Variants in AATK observed in about 807,000 individuals in gnomAD.
AATK encodes lemur tail kinase 1, also known as serine/threonine-protein kinase LMTK1.
In AATK, 91 loss-of-function variants were observed where a neutral mutation model predicts 114.3. That is an observed-to-expected ratio of 0.80 (90% CI 0.67 to 0.95). AATK has a LOEUF of 0.95. Ranked by LOEUF, AATK falls within the 40% of genes least tolerant of loss-of-function variation. AATK has a pLI of 0.00. For missense variants in AATK, 2,176 were observed against 1,965.2 expected (o/e 1.11, Z -2.03); for synonymous variants, 1,075 against 916.5 (o/e 1.17, Z -3.12).
chr17:81,147,966 G>A (rs746819797), intron 1 of AATK, among the ~76,000 whole-genome samples: 3 of 150,786 alleles, frequency 2.0e-5, no homozygotes, highest in South Asian at 2.1e-4. Context: ...AATTACACAC[G>A]GTCACCATGC....
At chr17:81,130,375 C>T (rs1178705710) in intron 3 of AATK, among the ~76,000 whole-genome samples, 2 of 152,174 alleles carry the variant, frequency 1.3e-5, no homozygotes, top group African/African-American at 4.8e-5. Flanking sequence ...GAAGCCTGGC[C>T]ATTCACCCCC....
In AATK at chr17:81,117,446, C is replaced by T; in HGVS notation, c.*956G>A. 6.6e-6 allele frequency: 1 copy of T among 152,288 alleles called. No homozygotes were observed. Among genetic ancestry groups the T allele is most frequent in the East Asian group, 1.9e-4 (1 of 5,198 alleles). The allele number at this position is 152,288 out of a possible 1,614,324, so 9.4% of individuals were successfully genotyped here. ...TTTGGCAACAATAACTTAAAATCAC[C>T]CAACTTCCATTCGCTCCAACCACAG... On this transcript the variant is annotated 3_prime_UTR_variant, in exon 14 of 14. Transcript: ENST00000326724.
intron 1 of AATK, among the ~76,000 whole-genome samples, chr17:81,140,889 G>A (rs1205146999): frequency 3.7e-5 from 5 of 134,322 alleles, no homozygotes; most frequent in South Asian, 2.5e-4. Context: ...CGTGGGGACC[G>A]TGAGCTGTGA....
chr17:81,165,881 ATCACGTCCGCAGC>A, intron 1 of AATK, 44 bp downstream of exon 1: 3 of 1,548,826 alleles, frequency 1.9e-6, no homozygotes, highest in Non-Finnish European at 2.6e-6. Flanking sequence ...GCCCAGGGGC[ATCACGTCCGCAGC>A]GGAGGGAGGC....
chr17:81,160,086 G>A lies in AATK; in HGVS notation c.55+5852C>T, dbSNP rs113466861. 5.6e-4 allele frequency: 124 copies of A among 222,138 alleles called. 2 individuals carry two copies. Among genetic ancestry groups the A allele is most frequent in the African/African-American group, 2.5e-3 (105 of 42,816 alleles). 13.8% of individuals were successfully genotyped at this position (222,138 alleles called of 1,614,324 possible). ...TGGGGCAGGTGGCCCCGGCTGCCCAGAATCGCCCACTGCAGAGGCCCTGCC... is the reference window on the plus strand; with the variant it reads ...TGGGGCAGGTGGCCCCGGCTGCCCAAAATCGCCCACTGCAGAGGCCCTGCC... On this transcript the variant is annotated intron_variant, in intron 1 of 13. Coordinates refer to ENST00000326724, the MANE Select transcript of AATK (RefSeq NM_001080395.3).
chr17:81,122,047 C>A lies in AATK; in HGVS notation c.1889G>T (p.Gly630Val). The A allele has an allele frequency of 6.3e-7, 1 of 1,597,094 alleles. No homozygotes were observed. The highest frequency in any genetic ancestry group is 8.5e-7 in the Non-Finnish European group (1 of 1,178,460). The change falls in exon 11 of 14, where the codon GGC (glycine) becomes GTC (valine). Residue 630 changes from glycine (G) to valine (V), a missense_variant. Physicochemically the swap from Gly to Val is moderately radical, Grantham distance 109. This residue lies in a region of AATK where 1,701 missense variants were observed against 1,394.7 expected (regional missense o/e 1.22). Coordinates refer to ENST00000326724, the MANE Select transcript of AATK (RefSeq NM_001080395.3). The stretch of plus-strand genomic sequence containing the variant: ...GAAGGCAGGACAGAAGGCGGCCACG[C>A]CCCAGTCTGCATCCTCCGCTCCTCC... ...AEGGAEDADW[G>V]VAAFCPAFFE...
intron 1 of AATK, among the ~76,000 whole-genome samples, chr17:81,139,052 G>T (rs139098642): frequency 6.6e-6 from 1 of 152,020 alleles, no homozygotes; most frequent in African/African-American, 2.4e-5. Flanking sequence ...ACACACACCC[G>T]CACATGCAAA....
In AATK at chr17:81,121,865, G is replaced by A. The variant is rs763388197; in HGVS notation, c.2071C>T (p.Arg691Cys). ...ACGGGGTCCCAGGACTCTGGACAGC[G>A]GCTGCCGCTGTTGTTGTTGGCTGAC... ...NVSANNNSGS[R>C]CPESWDPVSA... is the part of the protein sequence containing the mutation. Residue 691 changes from arginine to cysteine, a missense_variant, in exon 11 of 14, where the codon CGC (arginine) becomes TGC (cysteine). Around this residue, in one of 4 missense-constraint regions of AATK, gnomAD observed 1,701 missense variants for 1,394.7 expected, o/e 1.22. Transcript: ENST00000326724. 1.7e-5 allele frequency: 27 copies of A among 1,597,366 alleles called. No individual in the cohort carries two copies. The highest frequency in any genetic ancestry group is 4.5e-5 in the East Asian group (2 of 44,732).
At chr17:81,131,806 A>C in intron 2 of AATK, 1 of 1,275,660 alleles carries the variant, frequency 7.8e-7, no homozygotes, top group Non-Finnish European at 1.0e-6. Context: ...CTGTGGGAGA[A>C]GCAATTAAGT....
chr17:81,137,717 CTCA>C (rs1381501533), intron 1 of AATK, among the ~76,000 whole-genome samples: 9 of 151,584 alleles, frequency 5.9e-5, no homozygotes, highest in East Asian at 1.9e-4. Flanking sequence ...GCACACACAC[CTCA>C]TGACAACGCG....
intron 1 of AATK, among the ~76,000 whole-genome samples, chr17:81,151,289 T>A (rs1459753427): frequency 1.0e-5 from 1 of 99,962 alleles, no homozygotes. Context: ...CCCACCTGTC[T>A]CCCCCACCGA....
intron 1 of AATK, among the ~76,000 whole-genome samples, chr17:81,140,322 T>G (rs1333548030): frequency 4.6e-5 from 7 of 152,250 alleles, no homozygotes; most frequent in African/African-American, 1.7e-4. Flanking sequence ...TACGTCACAC[T>G]TAGGCACTCC....
At chr17:81,149,134 G>A (rs974200369) in intron 1 of AATK, among the ~76,000 whole-genome samples, 7 of 152,090 alleles carry the variant, frequency 4.6e-5, no homozygotes, top group Non-Finnish European at 1.0e-4. Flanking sequence ...GGGCAGCCCC[G>A]CCAGCCTCCT....
rs529785841 is a variant in AATK at position 81,136,771 on chromosome 17, G to A, written c.56-2270C>T. Among the ~76,000 whole-genome samples, 3 of 152,292 alleles carry A rather than the reference G, an allele frequency of 2.0e-5. No homozygotes were observed. The Middle Eastern group carries it at 0.01, about 518-fold the overall frequency. On this transcript the variant is annotated intron_variant, in intron 1 of 13. Transcript: ENST00000326724. ...TCCCTGAAGGTGGATGTGTAGGGGT[G>A]GGGGACTGTCCACACAAGCCAGCCA...
chr17:81,140,936 T>TGAGCCGTG (rs2061126920), intron 1 of AATK, among the ~76,000 whole-genome samples: 1 of 73,132 alleles, frequency 1.4e-5, no homozygotes, highest in Non-Finnish European at 3.0e-5. Context: ...CGTGGGACCA[T>TGAGCCGTG]GGGGCCGTGA....
At chr17:81,125,164 G>A in intron 7 of AATK, 150 bp from the exon 8 acceptor site, 4 of 737,852 alleles carry the variant, frequency 5.4e-6, no homozygotes, top group Non-Finnish European at 9.1e-6. Context: ...AGTCCAGGCT[G>A]GAAGGGGCGT....
At chr17:81,143,467 CCTTGTGTCCACGCAGCCCCTGCCT>C (rs1440180181) in intron 1 of AATK, among the ~76,000 whole-genome samples, 3 of 97,332 alleles carry the variant, frequency 3.1e-5, no homozygotes, top group Admixed American at 1.2e-4. Context: ...AGCCCCCACC[CCTTGTGTCCACGCAGCCCCTGCCT>C]CCCGTGTCCA....
chr17:81,157,734 C>A (rs2061383920), intron 1 of AATK, among the ~76,000 whole-genome samples: 1 of 152,210 alleles, frequency 6.6e-6, no homozygotes, highest in Non-Finnish European at 1.5e-5. Flanking sequence ...GTGGGAAGGG[C>A]ACCTGGAATG....
intron 1 of AATK, among the ~76,000 whole-genome samples, chr17:81,136,622 C>G (rs2061014067): frequency 6.6e-6 from 1 of 152,220 alleles, no homozygotes; most frequent in Admixed American, 6.5e-5. Flanking sequence ...CCCCTCCCCT[C>G]TAGAAGGCCC....
Sources: allele counts gnomAD v4.1 joint callset (sites outside exome capture counted in the v4.1 genomes callset), GRCh38; gene constraint gnomAD v4.1.1; regional missense constraint gnomAD v4.1.1; transcripts MANE v1.5; gene names NCBI Gene and HGNC (gene_info 2026-07-23, HGNC 2026-07-21).